GPC5: variants seen among roughly 807,000 people sequenced by gnomAD.
The protein encoded by GPC5 is glypican 5, also known as glypican-5.
Under a neutral mutation model 53.9 loss-of-function variants are expected in GPC5, and 47 were observed. That is an observed-to-expected ratio of 0.87 (90% CI 0.69 to 1.11). The LOEUF is 1.11. Among genes scored for constraint, GPC5 ranks in the 50% most tolerant of loss-of-function variants. The pLI is 0.00. For missense variants in GPC5, 748 were observed against 713.1 expected (o/e 1.05, Z -0.56); for synonymous variants, 286 against 263.3 (o/e 1.09, Z -0.84).
At chr13:91,525,790 C>T (rs538932893) in intron 2 of GPC5, among the ~76,000 whole-genome samples, 2 of 152,262 alleles carry the variant, frequency 1.3e-5, no homozygotes, top group African/African-American at 2.4e-5. Flanking sequence ...AATAATGTCG[C>T]ACTTAGCAGT....
chr13:91,675,548 G>A (rs1215635380), intron 2 of GPC5, among the ~76,000 whole-genome samples: 6 of 152,180 alleles, frequency 3.9e-5, no homozygotes, highest in African/African-American at 9.7e-5. Context: ...ATGTAGGGAT[G>A]TTAGCAACTA....
chr13:91,501,857 C>T (rs1884657212), intron 2 of GPC5, among the ~76,000 whole-genome samples: 2 of 152,200 alleles, frequency 1.3e-5, no homozygotes, highest in Non-Finnish European at 2.9e-5. Flanking sequence ...TTTACAGTTC[C>T]ACCAACAGTG....
rs908566162 is a variant in GPC5, at chr13:92,286,716, C to A, written c.1561+141727C>A. On this transcript the variant is annotated intron_variant, in intron 7 of 7. Transcript: ENST00000377067. ...CACTTGGACACAGGAAGGGGAACAT[C>A]ACACACTGGGGCCTGTTGTGGGGTT... Among the ~76,000 whole-genome samples, 7 of 134,302 alleles carry A rather than the reference C, an allele frequency of 5.2e-5. No homozygotes were observed. In the Admixed American group the frequency reaches 5.4e-4, roughly 10 times the overall value. The allele number at this position is 134,302 out of a possible 152,430, so 88.1% of individuals were successfully genotyped here.
chr13:92,577,868 A>T (rs938401542), intron 7 of GPC5, among the ~76,000 whole-genome samples: 4 of 152,170 alleles, frequency 2.6e-5, no homozygotes, highest in Non-Finnish European at 5.9e-5. Flanking sequence ...AAAAAATTTT[A>T]AAAAATAGGC....
chr13:91,886,196 C>T (rs1472545408), intron 5 of GPC5, among the ~76,000 whole-genome samples: 2 of 152,106 alleles, frequency 1.3e-5, no homozygotes, highest in Admixed American at 1.3e-4. Flanking sequence ...AAATGTCTTA[C>T]ATGGTGGCGG....
At chr13:92,563,070 C>A (rs1424168717) in intron 7 of GPC5, among the ~76,000 whole-genome samples, 1 of 151,914 alleles carries the variant, frequency 6.6e-6, no homozygotes, top group Non-Finnish European at 1.5e-5. Flanking sequence ...GGGCAGGTAC[C>A]AATCAATATC....
At chr13:92,386,583 G>A (rs926909354) in intron 7 of GPC5, among the ~76,000 whole-genome samples, 1 of 151,894 alleles carries the variant, frequency 6.6e-6, no homozygotes, top group Non-Finnish European at 1.5e-5. Context: ...TTCATAAAAG[G>A]TCTTCAATGT....
chr13:91,917,923 T>A (rs1192549643), intron 6 of GPC5, among the ~76,000 whole-genome samples: 1 of 152,200 alleles, frequency 6.6e-6, no homozygotes, highest in Non-Finnish European at 1.5e-5. Flanking sequence ...AGTTCCAAAG[T>A]CACTTCCACA....
At chr13:92,459,667 A>AT (rs1467972893) in intron 7 of GPC5, among the ~76,000 whole-genome samples, 1 of 152,034 alleles carries the variant, frequency 6.6e-6, no homozygotes, top group Non-Finnish European at 1.5e-5. Context: ...TAGTTCTCAA[A>AT]TTTTTTTGCC....
At chr13:92,572,619 TA>T (rs1195645603) in intron 7 of GPC5, among the ~76,000 whole-genome samples, 1 of 152,182 alleles carries the variant, frequency 6.6e-6, no homozygotes, top group Non-Finnish European at 1.5e-5. Flanking sequence ...TGATCAATGC[TA>T]AGAATGAAGC....
chr13:91,927,696 A>G (rs2039782256), intron 6 of GPC5, among the ~76,000 whole-genome samples: 1 of 152,138 alleles, frequency 6.6e-6, no homozygotes, highest in Non-Finnish European at 1.5e-5. Flanking sequence ...ATGCATTATT[A>G]TTTTAGTTTG....
intron 7 of GPC5, among the ~76,000 whole-genome samples, chr13:92,859,412 C>A (rs542799950): frequency 1.3e-5 from 2 of 152,206 alleles, no homozygotes; most frequent in South Asian, 2.1e-4. Flanking sequence ...CAGACTATCA[C>A]TACCATATGT....
intron 7 of GPC5, among the ~76,000 whole-genome samples, chr13:92,377,790 C>T (rs1045315808): frequency 2.0e-5 from 3 of 151,978 alleles, no homozygotes; most frequent in African/African-American, 4.8e-5. Flanking sequence ...AATGGCCAAC[C>T]AAGACTTAGG....
chr13:91,634,139 G>A (rs964703555), intron 2 of GPC5, among the ~76,000 whole-genome samples: 17 of 152,054 alleles, frequency 1.1e-4, no homozygotes, highest in Admixed American at 1.0e-3. Flanking sequence ...TTTCTTGATA[G>A]TGTGGATTAT....
intron 5 of GPC5, among the ~76,000 whole-genome samples, chr13:91,785,817 C>T (rs1206125039): frequency 6.6e-6 from 1 of 152,198 alleles, no homozygotes; most frequent in Non-Finnish European, 1.5e-5. Context: ...AGTCATCTTT[C>T]ACCCTGATGT....
chr13:92,498,497 C>T (rs1880065533), intron 7 of GPC5, among the ~76,000 whole-genome samples: 1 of 152,148 alleles, frequency 6.6e-6, no homozygotes, highest in South Asian at 2.1e-4. Flanking sequence ...CTACTGATCA[C>T]CACTTACAGA....
At chr13:92,465,178 A>C (rs1315354864) in intron 7 of GPC5, among the ~76,000 whole-genome samples, 1 of 152,068 alleles carries the variant, frequency 6.6e-6, no homozygotes, top group Non-Finnish European at 1.5e-5. Flanking sequence ...TCATGTGATT[A>C]TTTATTTGAG....
chr13:92,299,710 T>C (rs1221079934), intron 7 of GPC5, among the ~76,000 whole-genome samples: 2 of 152,210 alleles, frequency 1.3e-5, no homozygotes, highest in Admixed American at 1.3e-4. Flanking sequence ...TAAAAATTCT[T>C]GTAACCATGT....
intron 3 of GPC5, among the ~76,000 whole-genome samples, chr13:91,707,581 A>G (rs1019984669): frequency 7.9e-5 from 12 of 152,170 alleles, no homozygotes; most frequent in Non-Finnish European, 1.8e-4. Flanking sequence ...TGATCGCGCC[A>G]CTGCACTCCA....
Sources: gnomAD v4.1 joint callset for allele counts (sites outside exome capture counted in the v4.1 genomes callset) on GRCh38, gnomAD v4.1.1 for gene constraint, MANE v1.5 for transcripts, NCBI Gene and HGNC (gene_info 2026-07-23, HGNC 2026-07-21) for gene names.